N4BP1: variants seen among roughly 807,000 people sequenced by gnomAD.
N4BP1 encodes the protein NEDD4 binding protein 1.
In N4BP1, 21 loss-of-function variants were observed where a neutral mutation model predicts 70.9. That is an observed-to-expected ratio of 0.30 (90% confidence interval 0.21 to 0.43). N4BP1 has a LOEUF of 0.43. N4BP1 is among the 20% of genes least tolerant of loss of function. The pLI is 1.00. For missense variants in N4BP1, 936 were observed against 1,069.4 expected (o/e 0.88, Z 1.74); for synonymous variants, 387 against 394.6 (o/e 0.98, Z 0.23).
At chr16:48,584,112 T>C (rs1026910318) in intron 1 of N4BP1, among the ~76,000 whole-genome samples, 3 of 152,210 alleles carry the variant, frequency 2.0e-5, no homozygotes, top group African/African-American at 4.8e-5. Flanking sequence ...TCTGTATACA[T>C]GAATCTGGTC....
At chr16:48,579,562 A>G (rs980594850) in intron 1 of N4BP1, among the ~76,000 whole-genome samples, 1 of 152,218 alleles carries the variant, frequency 6.6e-6, no homozygotes, top group African/African-American at 2.4e-5. Context: ...AGTCTGCTAG[A>G]AAAATAACCC....
At chr16:48,595,426 A>G (rs1391864544) in intron 1 of N4BP1, among the ~76,000 whole-genome samples, 2 of 136,074 alleles carry the variant, frequency 1.5e-5, no homozygotes, top group Admixed American at 1.6e-4. Flanking sequence ...CACTGCACTC[A>G]AGCCTGGGCA....
intron 6 of N4BP1, among the ~76,000 whole-genome samples, chr16:48,544,475 C>G (rs1334322676): frequency 1.3e-5 from 2 of 152,088 alleles, no homozygotes; most frequent in Non-Finnish European, 2.9e-5. Flanking sequence ...CATGCAAATA[C>G]CAGCTGGGAA....
chr16:48,584,954 T>TA (rs2151096915), intron 1 of N4BP1, among the ~76,000 whole-genome samples: 1 of 152,272 alleles, frequency 6.6e-6, no homozygotes, highest in Admixed American at 6.5e-5. Flanking sequence ...TTCTTTGAGA[T>TA]AGAGTCTCGC....
At chr16:48,563,968 TAC>T (rs978005232) in intron 1 of N4BP1, among the ~76,000 whole-genome samples, 10 of 152,260 alleles carry the variant, frequency 6.6e-5, no homozygotes, top group African/African-American at 2.4e-4. Context: ...GTAGTCATTC[TAC>T]AGTGATATGG....
intron 2 of N4BP1, among the ~76,000 whole-genome samples, chr16:48,556,729 C>A (rs1963760113): frequency 6.6e-6 from 1 of 152,248 alleles, no homozygotes; most frequent in African/African-American, 2.4e-5. Context: ...GCAGCCATAG[C>A]ACCAGACAGG....
At chr16:48,546,113 GT>G in intron 6 of N4BP1, 33 bp downstream of exon 6, 2 of 1,407,686 alleles carry the variant, frequency 1.4e-6, no homozygotes, top group East Asian at 4.7e-5. Context: ...TGAAATAGAA[GT>G]TTTAATACAA....
intron 4 of N4BP1, among the ~76,000 whole-genome samples, chr16:48,550,921 G>GAAA (rs111917199): frequency 7.5e-6 from 1 of 133,348 alleles, no homozygotes; most frequent in East Asian, 2.1e-4. Flanking sequence ...TCCATCTCAA[G>GAAA]AAAAAAAAAA....
chr16:48,561,586 A>C lies in N4BP1; in HGVS notation c.1057T>G (p.Phe353Val), dbSNP rs1039609903. 1 of 1,613,752 alleles carries C rather than the reference A, an allele frequency of 6.2e-7. No individual in the cohort carries two copies. The highest frequency in any genetic ancestry group is 1.3e-5 in the African/African-American group (1 of 74,930). ...EEMEYNILVN[F>V]FKTMGYSQEI... is the part of the protein sequence containing the mutation. ...TGGGAGTAGCCCATGGTTTTAAAAA[A>C]GTTTACGAGGATGTTGTATTCCATT... Residue 353 changes from phenylalanine (F) to valine (V), a missense_variant, in exon 2 of 7, where the codon TTT becomes GTT. By Grantham distance (50) the Phe-to-Val change is conservative. Around this residue, in one of 4 missense-constraint regions of N4BP1, gnomAD observed 515 missense variants for 491.7 expected, o/e 1.05. Coordinates refer to ENST00000262384, the MANE Select transcript of N4BP1 (RefSeq NM_153029.4).
Position 48,608,180 on chromosome 16 carries a change from G to A in N4BP1, c.198+1595C>T, listed in dbSNP as rs8051980. ...TTATTACTATTAATGGTTTTTTTCC[G>A]ATTCTCAAGAACACGGTTTTCACCG... On this transcript the variant is annotated intron_variant, in intron 1 of 6. Coordinates refer to ENST00000262384, the MANE Select transcript of N4BP1 (RefSeq NM_153029.4). Among the ~76,000 whole-genome samples, 11 of 152,070 alleles carry A rather than the reference G, an allele frequency of 7.2e-5. No individual in the cohort carries two copies. In the South Asian group the frequency reaches 2.3e-3, roughly 32 times the overall value.
At chr16:48,551,512 C>T in intron 3 of N4BP1, 30 bp from the exon 4 acceptor site, 1 of 1,451,154 alleles carries the variant, frequency 6.9e-7, no homozygotes, top group East Asian at 2.3e-5. Context: ...AATATACATT[C>T]AGAAAAGGGC....
At position 48,609,832 on chromosome 16, in the gene N4BP1, C is replaced by G; in HGVS notation, c.141G>C (p.Leu47=). 6.7e-7 allele frequency: 1 copy of G among 1,487,940 alleles called. No homozygotes were observed. Among genetic ancestry groups the G allele is most frequent in the African/African-American group, 1.5e-5 (1 of 68,856 alleles). 92.2% of individuals were successfully genotyped at this position (1,487,940 alleles called of 1,614,324 possible). Residue 47 remains leucine (L), a synonymous_variant, in exon 1 of 7, where the codon CTG becomes CTC. Transcript: ENST00000262384. ...VLGALGAEEP[L]PARIWLQLCG... is the part of the protein sequence containing the mutation. ...AGAGCTGCAGCCAGATGCGCGCGGG[C>G]AGCGGCTCCTCAGCCCCTAGCGCGC... is the stretch of plus-strand genomic sequence containing the variant.
intron 1 of N4BP1, among the ~76,000 whole-genome samples, chr16:48,594,857 T>C (rs1294112046): frequency 6.6e-6 from 1 of 152,218 alleles, no homozygotes; most frequent in Admixed American, 6.5e-5. Context: ...TAACAAATTT[T>C]CTTGTCAATT....
Position 48,564,514 on chromosome 16 carries a change from A to C in N4BP1, c.199-2070T>G, listed in dbSNP as rs916331619. On this transcript the variant is annotated intron_variant, in intron 1 of 6. Transcript: ENST00000262384. ...ACTTGTGAGTTCCCTATTCTGTTCC[A>C]ATCTGTGTAAATCTATCCCTTCATC... Among the ~76,000 whole-genome samples the C allele has an allele frequency of 1.3e-5, 2 of 152,160 alleles. 1 individual carries two copies. Among genetic ancestry groups the C allele is most frequent in the Non-Finnish European group, 2.9e-5 (2 of 68,014 alleles).
intron 1 of N4BP1, among the ~76,000 whole-genome samples, chr16:48,572,124 A>G (rs1052508413): frequency 2.6e-5 from 4 of 152,174 alleles, no homozygotes; most frequent in African/African-American, 9.7e-5. Flanking sequence ...ACTTGAGCCC[A>G]GGAAGTCGAG....
rs369847639 is a variant in N4BP1 at position 48,577,610 on chromosome 16, A to T, written c.199-15166T>A. ...ACGAGGTGGTCAGTGAATTCCTCAT[A>T]GGGAGACTTGGTGAACACAGTCTTC... On this transcript the variant is annotated intron_variant, in intron 1 of 6. Transcript: ENST00000262384. The T allele has an allele frequency of 3.8e-4, 83 of 218,584 alleles. 1 individual carries two copies. In the East Asian group the frequency reaches 8.3e-3, roughly 22 times the overall value. 13.5% of individuals were successfully genotyped at this position (218,584 alleles called of 1,614,324 possible). A position where few individuals can be genotyped will look rare whatever the true frequency, so the allele number is the denominator to read the frequency against.
At position 48,539,528 on chromosome 16, in the gene N4BP1, GGT is replaced by G. The variant is rs1372859093; in HGVS notation, c.*3374_*3375del. The G allele has an allele frequency of 6.6e-6, 1 of 152,422 alleles. No homozygotes were observed. Among genetic ancestry groups the G allele is most frequent in the Non-Finnish European group, 1.5e-5 (1 of 68,178 alleles). The allele number at this position is 152,422 out of a possible 1,614,324, so 9.4% of individuals were successfully genotyped here. On this transcript the variant is annotated 3_prime_UTR_variant, in exon 7 of 7. Coordinates refer to ENST00000262384, the MANE Select transcript of N4BP1 (RefSeq NM_153029.4). ...GAGAGGGGACAGCGAGGAGAGGGAC[GGT>G]GTGGCCCTAAGGGTGACTGCAGTTT...
chr16:48,603,991 T>C (rs1964540056), intron 1 of N4BP1, among the ~76,000 whole-genome samples: 1 of 152,324 alleles, frequency 6.6e-6, no homozygotes. Context: ...CCTTGTGTCC[T>C]GGCTTCACAA....
intron 1 of N4BP1, among the ~76,000 whole-genome samples, chr16:48,590,291 C>G (rs1964315211): frequency 6.6e-6 from 1 of 152,176 alleles, no homozygotes; most frequent in Non-Finnish European, 1.5e-5. Flanking sequence ...GCACTCCCCA[C>G]TTCCCAAGCC....
Sources: allele counts gnomAD v4.1 joint callset (sites outside exome capture counted in the v4.1 genomes callset), GRCh38; gene constraint gnomAD v4.1.1; regional missense constraint gnomAD v4.1.1; transcripts MANE v1.5; gene names NCBI Gene and HGNC (gene_info 2026-07-23, HGNC 2026-07-21).